Variants in BSN observed in about 807,000 individuals in gnomAD.
BSN encodes the protein protein bassoon.
BSN carries 57 observed loss-of-function variants against 264.8 expected under a neutral mutation model. That is an observed-to-expected ratio of 0.22 (90% CI 0.17 to 0.27). The LOEUF is 0.27. Ranked by LOEUF, BSN falls within the 10% of genes least tolerant of loss-of-function variation. The pLI, the probability that BSN is intolerant of heterozygous loss-of-function variation, is 1.00. For missense variants in BSN, 4,615 were observed against 5,232.5 expected, an observed-to-expected ratio of 0.88 and a Z score of 3.64; for synonymous variants, 2,059 against 2,137.3, an observed-to-expected ratio of 0.96 and a Z score of 1.01.
chr3:49,579,419 T>A (rs1195659264), intron 1 of BSN, among the ~76,000 whole-genome samples: 2 of 151,984 alleles, frequency 1.3e-5, no homozygotes, highest in Non-Finnish European at 2.9e-5. Context: ...TTTTTTTTTT[T>A]TGAGACGGAG....
At position 49,554,683 on chromosome 3, in the gene BSN, C is replaced by T. The variant is rs1348864639; in HGVS notation, c.81C>T (p.Pro27=). 25 of 1,046,512 alleles carry T rather than the reference C, an allele frequency of 2.4e-5. No individual in the cohort carries two copies. Among genetic ancestry groups the T allele is most frequent in the Non-Finnish European group, 2.6e-5 (23 of 868,670 alleles). The allele number at this position is 1,046,512 out of a possible 1,614,324, so 64.8% of individuals were successfully genotyped here. A position where few individuals can be genotyped will look rare whatever the true frequency, so the allele number is the denominator to read the frequency against. Residue 27 remains proline (P), a synonymous_variant, in exon 1 of 12, where the codon CCC becomes CCT. Transcript: ENST00000296452. ...PPGGAGPGPG[P]GPGPGAGKPP... ...GCGGCGCCGGCCCCGGCCCGGGCCC[C>T]GGCCCCGGCCCCGGCGCAGGAAAGC...
chr3:49,669,972 A>G lies in BSN; in HGVS notation c.*2487A>G, dbSNP rs543544459. The G allele has an allele frequency of 6.5e-6, 1 of 152,704 alleles. No homozygotes were observed. The highest frequency in any genetic ancestry group is 2.4e-5 in the African/African-American group (1 of 41,542). The allele number at this position is 152,704 out of a possible 1,614,324, so 9.5% of individuals were successfully genotyped here. ...CAGAGTGCTCTGGTTTGCACCATGCATTTCTCAGGGGTCCGCATTTCTCAT... is the reference window on the plus strand; with the variant it reads ...CAGAGTGCTCTGGTTTGCACCATGCGTTTCTCAGGGGTCCGCATTTCTCAT... On this transcript the variant is annotated 3_prime_UTR_variant, in exon 12 of 12. Coordinates refer to ENST00000296452, the MANE Select transcript of BSN (RefSeq NM_003458.4).
chr3:49,642,215 A>G lies in BSN; in HGVS notation c.634-53A>G. The G allele has an allele frequency of 2.1e-6, 3 of 1,420,984 alleles. No individual in the cohort carries two copies. The highest frequency in any genetic ancestry group is 3.0e-5 in the South Asian group (2 of 67,394). 88.0% of individuals were successfully genotyped at this position (1,420,984 alleles called of 1,614,324 possible). On this transcript the variant is annotated intron_variant, in intron 2 of 11. Coordinates refer to ENST00000296452, the MANE Select transcript of BSN (RefSeq NM_003458.4). The surrounding 1 kb of genome is among the most constrained non-coding windows in gnomAD (Gnocchi z 7.0). ...TGTGGGGCCTGCACTGACCTGGGCC[A>G]TGAGTACTGCCAATCCTGGCCACCC...
intron 1 of BSN, among the ~76,000 whole-genome samples, chr3:49,574,630 CTTTTTTT>C (rs60300269): frequency 1.2e-4 from 6 of 51,920 alleles, no homozygotes; most frequent in African/African-American, 4.3e-4. Flanking sequence ...GGTGGGGTTT[CTTTTTTT>C]TTTTTTTTTT....
downstream of BSN, among the ~76,000 whole-genome samples, chr3:49,671,927 AT>A (rs1340473043): frequency 2.0e-5 from 3 of 150,842 alleles, no homozygotes; most frequent in African/African-American, 7.3e-5. This position sits in a 1 kb window ranked among gnomAD's most constrained non-coding sequence, Gnocchi z 4.1. Context: ...CTTGCTCCGA[AT>A]TTTCCAACCC....
rs781652196 is a variant in BSN at position 49,656,633 on chromosome 3, A to G, written c.7077A>G (p.Ala2359=). The change falls in exon 5 of 12, where the codon GCA becomes GCG. Residue 2359 remains alanine (A), a synonymous_variant. Coordinates refer to ENST00000296452, the MANE Select transcript of BSN (RefSeq NM_003458.4). The stretch of plus-strand genomic sequence containing the variant: ...GGCCAGGGTTCGAGAAAGAGGAAGC[A>G]TCACAGGAGGAGAGGCAGCGGAAGC... The part of the protein sequence containing the change: ...LSRPGFEKEE[A]SQEERQRKQQ... 1.2e-6 allele frequency: 2 copies of G among 1,609,598 alleles called. No homozygotes were observed. Among genetic ancestry groups the G allele is most frequent in the Admixed American group, 3.4e-5 (2 of 59,486 alleles).
intron 1 of BSN, among the ~76,000 whole-genome samples, chr3:49,605,822 TATAA>T (rs1266857768): frequency 2.3e-4 from 19 of 83,336 alleles, no homozygotes; most frequent in Non-Finnish European, 3.1e-4. Flanking sequence ...ATATATTTTG[TATAA>T]ATAGATATAA....
chr3:49,608,314 A>G (rs560581071), intron 1 of BSN, among the ~76,000 whole-genome samples: 2 of 152,342 alleles, frequency 1.3e-5, no homozygotes, highest in African/African-American at 4.8e-5. Context: ...CCATCTATGT[A>G]CATTTTTTTG....
intron 1 of BSN, among the ~76,000 whole-genome samples, chr3:49,612,349 A>C (rs2052215409): frequency 1.3e-5 from 2 of 152,134 alleles, no homozygotes; most frequent in South Asian, 2.1e-4. Context: ...GTTAGCCAGG[A>C]TGGTCTCGAT....
chr3:49,565,909 C>T (rs2051748985), intron 1 of BSN, among the ~76,000 whole-genome samples: 1 of 152,100 alleles, frequency 6.6e-6, no homozygotes, highest in Admixed American at 6.5e-5. Flanking sequence ...GTAACCTCCA[C>T]CTCACGGGTT....
rs2052655875 is a variant in BSN at position 49,661,613 on chromosome 3, C to T, written c.9768C>T (p.Pro3256=). Residue 3256 remains proline, a synonymous_variant, in exon 6 of 12, where the codon CCC becomes CCT. Coordinates refer to ENST00000296452, the MANE Select transcript of BSN (RefSeq NM_003458.4). ...STAPDSQRLE[P]LGPGSSGRPG... is the part of the protein sequence containing the mutation. ...CTCCTGATAGCCAACGGCTGGAGCC[C>T]CTGGGGCCAGGCAGCAGTGGGCGTC... is the stretch of plus-strand genomic sequence containing the variant. 1.1e-5 allele frequency: 17 copies of T among 1,613,664 alleles called. No individual in the cohort carries two copies. Among genetic ancestry groups the T allele is most frequent in the Non-Finnish European group, 1.4e-5 (16 of 1,180,036 alleles).
At chr3:49,576,667 C>G (rs879326020) in intron 1 of BSN, among the ~76,000 whole-genome samples, 2 of 152,112 alleles carry the variant, frequency 1.3e-5, no homozygotes, top group Non-Finnish European at 2.9e-5. Flanking sequence ...GGTGATTCAC[C>G]CACCTCAGCC....
At chr3:49,578,513 T>C (rs746528223) in intron 1 of BSN, among the ~76,000 whole-genome samples, 3 of 151,934 alleles carry the variant, frequency 2.0e-5, no homozygotes, top group Non-Finnish European at 2.9e-5. Flanking sequence ...GTTCACGCCA[T>C]TCTCCTGCCT....
At chr3:49,622,590 G>A (rs971896703) in intron 1 of BSN, among the ~76,000 whole-genome samples, 1 of 152,204 alleles carries the variant, frequency 6.6e-6, no homozygotes, top group Non-Finnish European at 1.5e-5. Context: ...TTCTCAGAAG[G>A]CTTGCACCAC....
chr3:49,586,493 C>T (rs1273981754), intron 1 of BSN, among the ~76,000 whole-genome samples: 2 of 152,084 alleles, frequency 1.3e-5, no homozygotes, highest in African/African-American at 2.4e-5. Flanking sequence ...GGACTACAGG[C>T]ACACACCAGC....
At chr3:49,664,015 G>A (rs1300741327) in intron 8 of BSN, 129 bp downstream of exon 8, 2 of 886,918 alleles carry the variant, frequency 2.3e-6, no homozygotes, top group East Asian at 5.3e-5. Context: ...TGCCCCAGGG[G>A]CTGTAGACCT....
rs1450758518 is a variant in BSN, at chr3:49,565,349, G to A, written c.224+10523G>A. Among the ~76,000 whole-genome samples the A allele has an allele frequency of 1.4e-4, 15 of 108,810 alleles. No homozygotes were observed. In the Admixed American group the frequency reaches 1.6e-3, roughly 12 times the overall value. 71.4% of individuals were successfully genotyped at this position (108,810 alleles called of 152,430 possible). ...TTTTTTTTTTTTGAGACAGAGTCTC[G>A]CTCTGTCGTCGCCCAGGCTGGAGTG... On this transcript the variant is annotated intron_variant, in intron 1 of 11. Transcript: ENST00000296452.
rs753179248 is a variant in BSN at position 49,654,516 on chromosome 3, G to A, written c.4960G>A (p.Val1654Ile). Residue 1654 changes from valine (V) to isoleucine (I), a missense_variant, in exon 5 of 12, where the codon GTT becomes ATT. By Grantham distance (29) the Val-to-Ile change is conservative. This residue lies in a region of BSN where 3,415 missense variants were observed against 3,866.4 expected (regional missense o/e 0.88). Transcript: ENST00000296452. The surrounding 1 kb of genome is among the most constrained non-coding windows in gnomAD (Gnocchi z 4.1). ...CTCCTCTGTCCCTGGGACGTCTAGG[G>A]TTGAGCCAGGCCCCAGGACCCCTGG... ...RISSVPGTSR[V>I]EPGPRTPGTA... 2.0e-5 allele frequency: 33 copies of A among 1,611,160 alleles called. No individual in the cohort carries two copies. Among genetic ancestry groups the A allele is most frequent in the African/African-American group, 2.7e-5 (2 of 74,880 alleles).
chr3:49,573,719 G>A (rs1406368856), intron 1 of BSN, among the ~76,000 whole-genome samples: 4 of 150,598 alleles, frequency 2.7e-5, no homozygotes, highest in Admixed American at 6.6e-5. Flanking sequence ...GTGCAATGGC[G>A]CAATCTTGGC....
Sources: gnomAD v4.1 joint callset for allele counts (sites outside exome capture counted in the v4.1 genomes callset) on GRCh38, gnomAD v4.1.1 for gene constraint, gnomAD v4.1.1 regional missense constraint, Gnocchi (gnomAD v3.1) non-coding constraint, MANE v1.5 for transcripts, NCBI Gene and HGNC (gene_info 2026-07-23, HGNC 2026-07-21) for gene names.